The following PCDHA6 variants were observed in gnomAD, a reference collection of about 807,000 sequenced individuals.
PCDHA6 encodes the protein protocadherin alpha-6.
A neutral mutation model predicts 60.3 loss-of-function variants in PCDHA6; 55 were observed. The observed-to-expected ratio is 0.91, with a 90% CI of 0.73 to 1.14. PCDHA6 has a LOEUF of 1.14. PCDHA6 is among the 50% of genes most tolerant of loss of function. The probability of loss-of-function intolerance (pLI) is 0.00; values close to 1 mark genes in which losing one functional copy is unlikely to be tolerated. For missense variants in PCDHA6, 1,327 were observed against 1,256.5 expected, an observed-to-expected ratio of 1.06 and a Z score of -0.85; for synonymous variants, 652 against 557.9, an observed-to-expected ratio of 1.17 and a Z score of -2.38.
At chr5:140,911,250 A>G (rs1165718759) in intron 1 of PCDHA6, among the ~76,000 whole-genome samples, 1 of 152,166 alleles carries the variant, frequency 6.6e-6, no homozygotes. Context: ...AAGTTTCATC[A>G]GAATTTATAA....
intron 1 of PCDHA6, chr5:140,966,733 C>T: frequency 7.1e-7 from 1 of 1,416,484 alleles, no homozygotes; most frequent in Non-Finnish European, 9.2e-7. Context: ...CCGCCTCCGG[C>T]CCTGCCCGGC....
chr5:140,849,786 G>A, intron 1 of PCDHA6: 3 of 1,598,490 alleles, frequency 1.9e-6, no homozygotes, highest in African/African-American at 1.3e-5. Context: ...GCGGGACGGG[G>A]GCTCGCCTTC....
intron 1 of PCDHA6, among the ~76,000 whole-genome samples, chr5:140,906,513 G>A (rs1398874448): frequency 1.3e-5 from 2 of 152,176 alleles, no homozygotes; most frequent in Non-Finnish European, 2.9e-5. Context: ...AAAGAAGGAG[G>A]AAATACTCAC....
chr5:140,871,877 G>A (rs1554165902), intron 1 of PCDHA6, among the ~76,000 whole-genome samples: 2 of 152,144 alleles, frequency 1.3e-5, no homozygotes, highest in African/African-American at 4.8e-5. Flanking sequence ...ATTTAAATTT[G>A]CTCCTCTTTG....
At chr5:140,884,556 G>T in intron 1 of PCDHA6, 1 of 1,614,154 alleles carries the variant, frequency 6.2e-7, no homozygotes, top group Non-Finnish European at 8.5e-7. Context: ...TCTGGGGAGG[G>T]CCCGCATAAG....
chr5:140,946,959 A>C (rs918204180), intron 1 of PCDHA6, among the ~76,000 whole-genome samples: 2 of 151,664 alleles, frequency 1.3e-5, no homozygotes, highest in Non-Finnish European at 3.0e-5. Context: ...GTATATTTCA[A>C]AATATTATAG....
rs1554136166 is a variant in PCDHA6 at position 140,836,634 on chromosome 5, T to A, written c.2394+6149T>A. On this transcript the variant is annotated intron_variant, in intron 1 of 3. Transcript: ENST00000529310. ...CAGCGCGGTGGGGAGCTGGTCATTC[T>A]CCCAGCAGAGGCGGCAGAGGGTGTG... 6 of 1,613,416 alleles carry A rather than the reference T, an allele frequency of 3.7e-6. No homozygotes were observed. The East Asian group carries it at 1.3e-4, about 36-fold the overall frequency.
At chr5:140,898,624 A>G (rs1374108541) in intron 1 of PCDHA6, among the ~76,000 whole-genome samples, 13 of 152,248 alleles carry the variant, frequency 8.5e-5, no homozygotes, top group African/African-American at 2.6e-4. Flanking sequence ...CAGGTAGCAT[A>G]ATGCCTCCAG....
intron 1 of PCDHA6, chr5:140,858,163 G>A (rs756100804): frequency 1.3e-6 from 2 of 1,597,890 alleles, no homozygotes; most frequent in Non-Finnish European, 1.7e-6. Context: ...TCTGCGCGGT[G>A]TCCAGCTTGC....
At position 140,828,454 on chromosome 5, in the gene PCDHA6, G is replaced by A. The variant is rs146288766; in HGVS notation, c.363G>A (p.Val121=). 1 of 1,614,124 alleles carries A rather than the reference G, an allele frequency of 6.2e-7. No individual in the cohort carries two copies. The highest frequency in any genetic ancestry group is 1.3e-5 in the African/African-American group (1 of 74,938). ...CGCTGCAGGTTTTCCATGTGGACGTGGAGGTGAGGGACATTAACGACAACC... is the reference window on the plus strand; with the variant it reads ...CGCTGCAGGTTTTCCATGTGGACGTAGAGGTGAGGGACATTAACGACAACC... The part of the protein sequence containing the change: ...DRPLQVFHVD[V]EVRDINDNPP... The change falls in exon 1 of 4, where the codon GTG becomes GTA. Residue 121 remains valine, a synonymous_variant. Transcript: ENST00000529310.
chr5:140,886,815 A>G (rs1251237856), intron 1 of PCDHA6, among the ~76,000 whole-genome samples: 1 of 149,622 alleles, frequency 6.7e-6, no homozygotes, highest in African/African-American at 2.5e-5. Context: ...TGACAGAGCA[A>G]GACTTCGTCT....
intron 1 of PCDHA6, among the ~76,000 whole-genome samples, chr5:140,922,269 T>C (rs782114145): frequency 1.3e-5 from 2 of 152,214 alleles, no homozygotes; most frequent in Non-Finnish European, 2.9e-5. Context: ...GCCATGAAGA[T>C]TGGACCAAGA....
chr5:140,952,221 C>T (rs991982346), intron 1 of PCDHA6, among the ~76,000 whole-genome samples: 1 of 151,940 alleles, frequency 6.6e-6, no homozygotes, highest in Non-Finnish European at 1.5e-5. Flanking sequence ...TTTCCAGGCA[C>T]AGTGTGCAAG....
At position 140,829,321 on chromosome 5, in the gene PCDHA6, C is replaced by T. The variant is rs1770227307; in HGVS notation, c.1230C>T (p.Asp410=). ...AGAATTACTACTCGTTGGTGCTGGA[C>T]AGTGCCCTGGACCGCGAGAGCGTGT... ...TFKNYYSLVL[D]SALDRESVSA... Residue 410 remains aspartate (D), a synonymous_variant, in exon 1 of 4, where the codon GAC becomes GAT. Coordinates refer to ENST00000529310, the MANE Select transcript of PCDHA6 (RefSeq NM_018909.4). 1 of 1,614,262 alleles carries T rather than the reference C, an allele frequency of 6.2e-7. No homozygotes were observed. Among genetic ancestry groups the T allele is most frequent in the South Asian group, 1.1e-5 (1 of 91,092 alleles).
At chr5:140,962,280 A>C (rs1244354033) in intron 1 of PCDHA6, among the ~76,000 whole-genome samples, 1 of 152,224 alleles carries the variant, frequency 6.6e-6, no homozygotes, top group Non-Finnish European at 1.5e-5. Flanking sequence ...AAAAAACCTC[A>C]ACCTTTAATA....
rs782792374 is a variant in PCDHA6, at chr5:140,869,589, T to C, written c.2394+39104T>C. The C allele has an allele frequency of 2.5e-6, 4 of 1,614,002 alleles. No individual in the cohort carries two copies. The African/African-American group carries it at 4.0e-5, about 16-fold the overall frequency. On this transcript the variant is annotated intron_variant, in intron 1 of 3. Coordinates refer to ENST00000529310, the MANE Select transcript of PCDHA6 (RefSeq NM_018909.4). ...TAGAGGGAGCTTCTGATGCTGACAT[T>C]GAAGAGAATGCTCTATTGACCTACA...
chr5:140,870,857 G>C, intron 1 of PCDHA6: 1 of 1,613,916 alleles, frequency 6.2e-7, no homozygotes. Context: ...CGGTCGGTGG[G>C]TGCGGGCCAC....
intron 1 of PCDHA6, among the ~76,000 whole-genome samples, chr5:140,885,133 T>G (rs2060482847): frequency 6.6e-6 from 1 of 152,216 alleles, no homozygotes; most frequent in Admixed American, 6.5e-5. Context: ...CTTTCTTTCT[T>G]TTTTTAAACT....
chr5:140,853,011 T>C, intron 1 of PCDHA6: 1 of 283,070 alleles, frequency 3.5e-6, no homozygotes, highest in African/African-American at 2.3e-5. Context: ...CCCGAGTAGC[T>C]GGGACTACAG....
Sources: gnomAD v4.1 joint callset for allele counts (sites outside exome capture counted in the v4.1 genomes callset) on GRCh38, gnomAD v4.1.1 for gene constraint, MANE v1.5 for transcripts, NCBI Gene and HGNC (gene_info 2026-07-23, HGNC 2026-07-21) for gene names.